ANK2: variants seen among roughly 807,000 people sequenced by gnomAD.
ANK2 encodes the protein ankyrin 2.
ANK2 carries 83 observed loss-of-function variants against 360.5 expected under a neutral mutation model. The observed-to-expected ratio is 0.23, with a 90% CI of 0.19 to 0.28. The LOEUF is 0.28. ANK2 is among the 10% of genes least tolerant of loss of function. The pLI is 1.00. For missense variants in ANK2, 4,201 were observed against 4,795.7 expected (o/e 0.88, Z 3.66); for synonymous variants, 1,740 against 1,759.5 (o/e 0.99, Z 0.28).
intron 2 of ANK2, chr4:113,033,965 C>T (rs2061013564): frequency 6.6e-6 from 1 of 152,044 alleles, no homozygotes; most frequent in African/African-American, 2.4e-5. Context: ...TCTCCAGACC[C>T]AGTGGGTAGA....
chr4:113,192,670 C>T (rs2098687473), intron 2 of ANK2, among the ~76,000 whole-genome samples: 1 of 152,030 alleles, frequency 6.6e-6, no homozygotes, highest in South Asian at 2.1e-4. Context: ...ATTTTAGTGT[C>T]ATCATCTGTA....
intron 4 of ANK2, among the ~76,000 whole-genome samples, chr4:113,215,602 G>C (rs1472473300): frequency 1.3e-5 from 2 of 152,066 alleles, no homozygotes; most frequent in Middle Eastern, 3.4e-3. Context: ...CTTTACCTTG[G>C]TATAACATAG....
At chr4:112,785,889 G>A in the ANK2 span, among the ~76,000 whole-genome samples, 1 of 152,268 alleles carries the variant, frequency 6.6e-6, no homozygotes, top group Non-Finnish European at 1.5e-5. Context: ...TGCCCAGGCT[G>A]GAGTGCAGCA....
At chr4:112,996,291 C>A (rs576626816) in intron 2 of ANK2, among the ~76,000 whole-genome samples, 148 of 152,166 alleles carry the variant, frequency 9.7e-4, no homozygotes, top group Non-Finnish European at 1.6e-3. Context: ...GGCCAGTCTA[C>A]AAACGAGCAT....
chr4:113,359,023 G>A lies in ANK2; in HGVS notation c.10405G>A (p.Asp3469Asn). 6.2e-7 allele frequency: 1 copy of A among 1,614,080 alleles called. No homozygotes were observed. Among genetic ancestry groups the A allele is most frequent in the Non-Finnish European group, 8.5e-7 (1 of 1,179,954 alleles). ...AAAAGAAAGTAAGGAGCATTTCTTT[G>A]ACCTTTACAGAAATTCCATAGAATT... The part of the protein sequence containing the change: ...PTKESKEHFF[D>N]LYRNSIEFFE... The change falls in exon 38 of 46, where the codon GAC (aspartate) becomes AAC (asparagine). Residue 3469 changes from aspartate to asparagine, a missense_variant. This residue lies in a region of ANK2 where 2,642 missense variants were observed against 2,714.5 expected (regional missense o/e 0.97). Transcript: ENST00000357077.
At chr4:112,793,648 ACTGT>A in the ANK2 span, among the ~76,000 whole-genome samples, 4 of 151,856 alleles carry the variant, frequency 2.6e-5, no homozygotes, top group Non-Finnish European at 4.4e-5. Context: ...TTTGTTATAT[ACTGT>A]CTTTTATAAA....
At chr4:112,801,661 C>T in the ANK2 span, among the ~76,000 whole-genome samples, 1 of 152,110 alleles carries the variant, frequency 6.6e-6, no homozygotes, top group Admixed American at 6.6e-5. Flanking sequence ...TTGGAAAAAA[C>T]AGTACATAGA....
chr4:113,075,314 A>G (rs2079454945), intron 1 of ANK2, among the ~76,000 whole-genome samples: 1 of 152,226 alleles, frequency 6.6e-6, no homozygotes. Context: ...GTCACCCTAT[A>G]TATCCCCATA....
chr4:112,743,829 G>A, the ANK2 span, among the ~76,000 whole-genome samples: 1 of 151,662 alleles, frequency 6.6e-6, no homozygotes, highest in Non-Finnish European at 1.5e-5. Context: ...ACAGGCGTGA[G>A]CCACCATGCC....
intron 1 of ANK2, among the ~76,000 whole-genome samples, chr4:113,138,732 T>G (rs1239615426): frequency 1.3e-5 from 2 of 152,206 alleles, no homozygotes; most frequent in East Asian, 3.8e-4. Context: ...GAAGAAATCT[T>G]TTGGTAATGA....
intron 1 of ANK2, among the ~76,000 whole-genome samples, chr4:113,064,489 C>A (rs1463222406): frequency 2.0e-5 from 3 of 152,140 alleles, no homozygotes; most frequent in African/African-American, 7.2e-5. Flanking sequence ...GTGCACATAG[C>A]CACCTTTTGT....
chr4:113,314,875 C>T (rs537462732), intron 24 of ANK2, among the ~76,000 whole-genome samples: 1 of 152,216 alleles, frequency 6.6e-6, no homozygotes, highest in African/African-American at 2.4e-5. Context: ...TTTCAGAAGG[C>T]AGTAAGTAAG....
chr4:112,877,594 C>G (rs1401460915), intron 1 of ANK2, among the ~76,000 whole-genome samples: 1 of 152,070 alleles, frequency 6.6e-6, no homozygotes, highest in African/African-American at 2.4e-5. Context: ...TTTCAGAGCC[C>G]AGGACAAATG....
intron 1 of ANK2, among the ~76,000 whole-genome samples, chr4:113,121,558 T>C (rs564431851): frequency 1.3e-5 from 2 of 152,294 alleles, no homozygotes; most frequent in South Asian, 4.1e-4. Flanking sequence ...AATCAACTAT[T>C]AGAAGTCAAC....
chr4:112,846,152 G>T (rs1560764563), intron 1 of ANK2, among the ~76,000 whole-genome samples: 1 of 151,162 alleles, frequency 6.6e-6, no homozygotes, highest in Non-Finnish European at 1.5e-5. Context: ...GTCTCACTTT[G>T]TCTCCCAGGC....
chr4:112,899,306 G>A (rs1228525124), intron 1 of ANK2, among the ~76,000 whole-genome samples: 3 of 152,138 alleles, frequency 2.0e-5, no homozygotes, highest in African/African-American at 7.2e-5. Flanking sequence ...CAATTAAACT[G>A]ATTGCTTAAA....
intron 43 of ANK2, chr4:113,372,687 C>A: frequency 2.6e-6 from 3 of 1,167,988 alleles, no homozygotes; most frequent in Non-Finnish European, 3.7e-6. Context: ...TAAGAGTGAT[C>A]AACCTGGATC....
At chr4:113,307,479 G>A (rs2077781579) in intron 23 of ANK2, among the ~76,000 whole-genome samples, 3 of 138,522 alleles carry the variant, frequency 2.2e-5, no homozygotes, top group Non-Finnish European at 4.5e-5. Context: ...GCAGTGGTGT[G>A]ATCTTAGCTC....
At chr4:112,991,619 C>CTTTTTTT (rs35505334) in intron 2 of ANK2, among the ~76,000 whole-genome samples, 16 of 125,830 alleles carry the variant, frequency 1.3e-4, no homozygotes, top group South Asian at 7.5e-4. Flanking sequence ...TTCTTTCTTT[C>CTTTTTTT]TTTTTTTTTT....
Sources: allele counts gnomAD v4.1 joint callset (sites outside exome capture counted in the v4.1 genomes callset), GRCh38; gene constraint gnomAD v4.1.1; regional missense constraint gnomAD v4.1.1; transcripts MANE v1.5; gene names NCBI Gene and HGNC (gene_info 2026-07-23, HGNC 2026-07-21).